Variants in RIMKLA observed in about 807,000 individuals in gnomAD.
The protein encoded by RIMKLA is N-acetylaspartylglutamate synthase A.
Under a neutral mutation model 32.7 loss-of-function variants are expected in RIMKLA, and 14 were observed. The observed-to-expected ratio is 0.43, with a 90% CI of 0.28 to 0.67. The LOEUF (loss-of-function observed/expected upper bound fraction) is 0.67, where lower values mean the gene tolerates loss of function less well. Ranked by LOEUF, RIMKLA falls within the 30% of genes least tolerant of loss-of-function variation. The pLI is 0.18. For synonymous variants in RIMKLA, 176 were observed against 204.1 expected, an observed-to-expected ratio of 0.86 and a Z score of 1.18; for missense variants, 410 against 519.0, an observed-to-expected ratio of 0.79 and a Z score of 2.04.
At chr1:42,392,123 A>G (rs1643004662) in intron 1 of RIMKLA, among the ~76,000 whole-genome samples, 1 of 152,208 alleles carries the variant, frequency 6.6e-6, no homozygotes, top group Non-Finnish European at 1.5e-5. Context: ...TGAATTTATT[A>G]GTTTTCCACA....
chr1:42,407,188 G>A (rs1003231727), intron 3 of RIMKLA, among the ~76,000 whole-genome samples: 1 of 152,180 alleles, frequency 6.6e-6, no homozygotes, highest in Admixed American at 6.5e-5. Flanking sequence ...TTACAGGCGT[G>A]AGCCACTGCA....
In RIMKLA at chr1:42,387,052, G is replaced by C. The variant is rs1319348043; in HGVS notation, c.163+5955G>C. On this transcript the variant is annotated intron_variant, in intron 1 of 4. Coordinates refer to ENST00000431473, the MANE Select transcript of RIMKLA (RefSeq NM_173642.4). ...ATTGCCCTCTACCCTGGGCAACACA[G>C]TGAGACTCCATCTCAAATAAATAAA... is the stretch of plus-strand genomic sequence containing the variant. Among the ~76,000 whole-genome samples, 5 of 149,036 alleles carry C rather than the reference G, an allele frequency of 3.4e-5. No homozygotes were observed. In the East Asian group the frequency reaches 5.9e-4, roughly 18 times the overall value.
At chr1:42,395,395 CATA>C (rs1281127787) in intron 1 of RIMKLA, among the ~76,000 whole-genome samples, 3 of 146,582 alleles carry the variant, frequency 2.0e-5, no homozygotes, top group Non-Finnish European at 4.5e-5. Flanking sequence ...TGAGGCTAAA[CATA>C]ATCTCAAGCC....
intron 1 of RIMKLA, among the ~76,000 whole-genome samples, chr1:42,395,181 A>G (rs972790389): frequency 6.6e-6 from 1 of 152,234 alleles, no homozygotes; most frequent in Non-Finnish European, 1.5e-5. Flanking sequence ...GGAAATCAGA[A>G]CACAATTACC....
At chr1:42,414,014 C>T (rs562286105) in intron 4 of RIMKLA, among the ~76,000 whole-genome samples, 2 of 151,620 alleles carry the variant, frequency 1.3e-5, no homozygotes, top group Non-Finnish European at 2.9e-5. Context: ...CGTCAGCCTC[C>T]CAAAGTGCTG....
At chr1:42,391,914 A>G (rs1478529900) in intron 1 of RIMKLA, among the ~76,000 whole-genome samples, 1 of 152,154 alleles carries the variant, frequency 6.6e-6, no homozygotes, top group Non-Finnish European at 1.5e-5. Context: ...GCCAAGCTAA[A>G]TGAGAGCAGC....
intron 3 of RIMKLA, among the ~76,000 whole-genome samples, chr1:42,408,237 C>T (rs1156651220): frequency 1.3e-5 from 2 of 152,126 alleles, no homozygotes; most frequent in African/African-American, 4.8e-5. Context: ...GACATTGACA[C>T]CCACTTACCT....
At position 42,415,000 on chromosome 1, in the gene RIMKLA, A is replaced by G. The variant is rs2148397164; in HGVS notation, c.*26A>G. The G allele has an allele frequency of 1.3e-6, 2 of 1,568,820 alleles. No homozygotes were observed. The highest frequency in any genetic ancestry group is 1.7e-6 in the Non-Finnish European group (2 of 1,159,228). On this transcript the variant is annotated 3_prime_UTR_variant, in exon 5 of 5. Transcript: ENST00000431473. ...ATTCCTGCTTTTTGGCAGCATTTAA[A>G]CCAAATCCTACTGCTTCCCTAGTAG... is the stretch of plus-strand genomic sequence containing the variant.
intron 3 of RIMKLA, 140 bp downstream of exon 3, chr1:42,404,737 C>A (rs78397230): frequency 0.022 from 13,049 of 605,682 alleles, 190 homozygotes; most frequent in Non-Finnish European, 0.028. Context: ...TTCTCTTTGT[C>A]CTCTGTTCTT....
At chr1:42,388,137 T>C (rs1642965939) in intron 1 of RIMKLA, among the ~76,000 whole-genome samples, 1 of 152,136 alleles carries the variant, frequency 6.6e-6, no homozygotes, top group Non-Finnish European at 1.5e-5. Context: ...AAGAAGCAGA[T>C]ACATAGGGCC....
Position 42,422,379 on chromosome 1 carries a change from A to G in RIMKLA, c.*7405A>G, listed in dbSNP as rs1179626604. The G allele has an allele frequency of 6.6e-6, 1 of 152,260 alleles. No individual in the cohort carries two copies. The highest frequency in any genetic ancestry group is 2.4e-5 in the African/African-American group (1 of 41,474). The allele number at this position is 152,260 out of a possible 1,614,324, so 9.4% of individuals were successfully genotyped here. The stretch of plus-strand genomic sequence containing the variant: ...GTAGTTCAGCTAAATTCCCTCCAGG[A>G]AAGTGGACTGTAGCTTTTCCTGCCT... On this transcript the variant is annotated 3_prime_UTR_variant, in exon 5 of 5. Coordinates refer to ENST00000431473, the MANE Select transcript of RIMKLA (RefSeq NM_173642.4).
Position 42,399,493 on chromosome 1 carries a change from A to G in RIMKLA, c.253A>G (p.Ile85Val), listed in dbSNP as rs766107532. ...PTPSVQSDSD[I>V]TVLRHLEKLG... ...ACCCTCAGTGCAGTCAGACAGTGAC[A>G]TCACTGTCCTGCGACACCTGGAGAA... The change falls in exon 2 of 5, where the codon ATC (isoleucine) becomes GTC (valine). Residue 85 changes from isoleucine to valine, a missense_variant. Physicochemically the swap from Ile to Val is conservative, Grantham distance 29 (BLOSUM62 3). Coordinates refer to ENST00000431473, the MANE Select transcript of RIMKLA (RefSeq NM_173642.4). 6.2e-7 allele frequency: 1 copy of G among 1,612,764 alleles called. No individual in the cohort carries two copies. Among genetic ancestry groups the G allele is most frequent in the East Asian group, 2.2e-5 (1 of 44,854 alleles).
chr1:42,383,237 A>G (rs891708906), intron 1 of RIMKLA, among the ~76,000 whole-genome samples: 1 of 152,130 alleles, frequency 6.6e-6, no homozygotes, highest in Admixed American at 6.6e-5. Context: ...TGGTCGATGG[A>G]GAAATTGAAG....
intron 1 of RIMKLA, among the ~76,000 whole-genome samples, chr1:42,393,509 G>T (rs532310151): frequency 9.1e-4 from 139 of 152,314 alleles, no homozygotes; most frequent in African/African-American, 3.1e-3. Context: ...GGTGGAAAGA[G>T]AAAATGGCCA....
chr1:42,390,037 T>C (rs1195891117), intron 1 of RIMKLA, among the ~76,000 whole-genome samples: 4 of 21,162 alleles, frequency 1.9e-4, no homozygotes, highest in Non-Finnish European at 4.8e-4. Flanking sequence ...TTTCTTTTCC[T>C]TTTTTTTTTT....
chr1:42,391,814 C>T (rs150850402), intron 1 of RIMKLA, among the ~76,000 whole-genome samples: 51 of 152,092 alleles, frequency 3.4e-4, no homozygotes, highest in African/African-American at 1.2e-3. Context: ...TGTGAGATGG[C>T]GAGGGAGATG....
In RIMKLA at chr1:42,410,197, A is replaced by T; in HGVS notation, c.685+10A>T. The T allele has an allele frequency of 6.2e-7, 1 of 1,612,906 alleles. No individual in the cohort carries two copies. The highest frequency in any genetic ancestry group is 8.5e-7 in the Non-Finnish European group (1 of 1,178,918). ...AGCAACTGCTCTCTCGGTAAGGTATAAAAGCACAGGGTTTTATTAGGGTAT... is the reference window on the plus strand; with the variant it reads ...AGCAACTGCTCTCTCGGTAAGGTATTAAAGCACAGGGTTTTATTAGGGTAT... On this transcript the variant is annotated intron_variant, in intron 4 of 4. Transcript: ENST00000431473.
chr1:42,387,737 A>G (rs779374113), intron 1 of RIMKLA, among the ~76,000 whole-genome samples: 2 of 152,158 alleles, frequency 1.3e-5, no homozygotes, highest in African/African-American at 2.4e-5. Flanking sequence ...AGTGTGTATA[A>G]AGTACTGTTT....
At chr1:42,399,829 A>G (rs1280514428) in intron 2 of RIMKLA, among the ~76,000 whole-genome samples, 195 bp downstream of exon 2, 5 of 152,218 alleles carry the variant, frequency 3.3e-5, no homozygotes, top group Admixed American at 2.0e-4. Context: ...CATTAAATAC[A>G]TATCTGGTAC....
Sources: gnomAD v4.1 joint callset for allele counts (sites outside exome capture counted in the v4.1 genomes callset) on GRCh38, gnomAD v4.1.1 for gene constraint, MANE v1.5 for transcripts, NCBI Gene and HGNC (gene_info 2026-07-23, HGNC 2026-07-21) for gene names.